The following ZFP64 variants were observed in gnomAD, a reference collection of about 807,000 sequenced individuals.
ZFP64 encodes the protein zinc finger protein 64.
Under a neutral mutation model 51.6 loss-of-function variants are expected in ZFP64, and 14 were observed. The observed-to-expected ratio is 0.27, with a 90% CI of 0.18 to 0.42. The LOEUF (loss-of-function observed/expected upper bound fraction) is 0.42. ZFP64 is among the 10% of genes least tolerant of loss of function. The probability of loss-of-function intolerance (pLI) is 1.00; values close to 1 mark genes in which losing one functional copy is unlikely to be tolerated. For synonymous variants in ZFP64, 375 were observed against 361.4 expected (o/e 1.04, Z -0.43); for missense variants, 754 against 906.8 (o/e 0.83, Z 2.16).
At chr20:52,156,642 C>T (rs1600768554) in intron 5 of ZFP64, among the ~76,000 whole-genome samples, 1 of 152,200 alleles carries the variant, frequency 6.6e-6, no homozygotes, top group East Asian at 1.9e-4. Flanking sequence ...TACGCTGCAT[C>T]ACTGTGACAA....
Position 52,151,589 on chromosome 20 carries a change from C to G in ZFP64, c.*557G>C. On this transcript the variant is annotated 3_prime_UTR_variant, in exon 6 of 6. Coordinates refer to ENST00000216923, the MANE Select transcript of ZFP64 (RefSeq NM_018197.3). ...ACTACTTAATGCATTTAATTCCAACCCCTCATTGGAATCATCTTGGTAACA... is the reference window on the plus strand; with the variant it reads ...ACTACTTAATGCATTTAATTCCAACGCCTCATTGGAATCATCTTGGTAACA... 1 of 986,112 alleles carries G rather than the reference C, an allele frequency of 1.0e-6. No homozygotes were observed. The highest frequency in any genetic ancestry group is 1.2e-6 in the Non-Finnish European group (1 of 830,516). 61.1% of individuals were successfully genotyped at this position (986,112 alleles called of 1,614,324 possible).
intron 5 of ZFP64, among the ~76,000 whole-genome samples, chr20:52,125,930 G>A (rs2122866001): frequency 6.6e-6 from 1 of 151,800 alleles, no homozygotes; most frequent in East Asian, 1.9e-4. Context: ...CACCCAGGCT[G>A]GAGTGCAGTA....
downstream of ZFP64, among the ~76,000 whole-genome samples, chr20:52,149,031 A>G (rs1386117378): frequency 6.6e-6 from 1 of 152,194 alleles, no homozygotes; most frequent in Admixed American, 6.5e-5. Context: ...AGTTCATAGA[A>G]GAGAGAAGCA....
At chr20:52,143,129 G>A (rs545711780) in intron 5 of ZFP64, among the ~76,000 whole-genome samples, 1 of 143,266 alleles carries the variant, frequency 7.0e-6, no homozygotes, top group Non-Finnish European at 1.6e-5. Flanking sequence ...CTATAGTATG[G>A]TATAAACATA....
At position 52,142,625 on chromosome 20, in the gene ZFP64, A is replaced by C. The variant is rs533004029; in HGVS notation, c.763+17498T>G. Among the ~76,000 whole-genome samples, 5 of 151,736 alleles carry C rather than the reference A, an allele frequency of 3.3e-5. No individual in the cohort carries two copies. In the South Asian group the frequency reaches 8.4e-4, roughly 25 times the overall value. On this transcript the variant is annotated intron_variant, in intron 5 of 8. Transcript: ENST00000361387. ...GGGAGGCTGAGGCGGGCTGATCACA[A>C]GGTTAGGAGTTTGAGACCAGCCTGA...
rs560856709 is a variant in ZFP64, at chr20:52,085,051, G to C, written c.1444C>G (p.Leu482Val). The change falls in exon 9 of 9, where the codon CTC becomes GTC. Residue 482 changes from leucine to valine, a missense_variant. Coordinates refer to the ZFP64 transcript ENST00000361387. This position sits in a 1 kb window ranked among gnomAD's most constrained non-coding sequence, Gnocchi z 4.3. Reference sequence around the variant, plus strand: ...TGGTGCAGCCGGCTGTGCTCCAGGAGGTCAGCCCGGTCCCGGCCCTGGAAG... The same window carrying C: ...TGGTGCAGCCGGCTGTGCTCCAGGACGTCAGCCCGGTCCCGGCCCTGGAAG... 1 of 1,614,204 alleles carries C rather than the reference G, an allele frequency of 6.2e-7. No individual in the cohort carries two copies. Among genetic ancestry groups the C allele is most frequent in the East Asian group, 2.2e-5 (1 of 44,888 alleles).
intron 2 of ZFP64, among the ~76,000 whole-genome samples, chr20:52,180,074 T>C (rs78092647): frequency 1.3e-5 from 2 of 152,102 alleles, no homozygotes; most frequent in African/African-American, 2.4e-5. Flanking sequence ...ACGGTCAGAG[T>C]GGCCTTGTCT....
At chr20:52,086,419 AG>A (rs914495084) in intron 8 of ZFP64, among the ~76,000 whole-genome samples, 45 of 152,156 alleles carry the variant, frequency 3.0e-4, no homozygotes, top group African/African-American at 1.1e-3. Flanking sequence ...GTTTCTTGAA[AG>A]AAGGAATCTC....
chr20:52,106,806 T>C (rs950669544), intron 5 of ZFP64, among the ~76,000 whole-genome samples: 1 of 152,188 alleles, frequency 6.6e-6, no homozygotes, highest in African/African-American at 2.4e-5. Flanking sequence ...TTTGAAAATA[T>C]ATACACGTGG....
chr20:52,102,107 C>CAA (rs34646115), intron 5 of ZFP64, among the ~76,000 whole-genome samples: 1,087 of 63,374 alleles, frequency 0.017, 54 homozygotes, highest in African/African-American at 0.03. Context: ...ACTCCATCTC[C>CAA]AAAAAAAAAA....
intron 3 of ZFP64, chr20:52,165,245 A>G (rs1025174889): frequency 2.2e-6 from 1 of 456,432 alleles, no homozygotes; most frequent in Non-Finnish European, 4.4e-6. Flanking sequence ...TAGTTCCTAT[A>G]AATGTTAATT....
intron 5 of ZFP64, among the ~76,000 whole-genome samples, chr20:52,154,849 G>A (rs1204237537): frequency 6.6e-6 from 1 of 152,142 alleles, no homozygotes; most frequent in Non-Finnish European, 1.5e-5. Flanking sequence ...TGGTAGGGGT[G>A]AGTATTTGTG....
At position 52,152,885 on chromosome 20, in the gene ZFP64, C is replaced by T. The variant is rs377034273; in HGVS notation, c.1307G>A (p.Arg436Gln). 6.2e-7 allele frequency: 1 copy of T among 1,614,096 alleles called. No homozygotes were observed. The highest frequency in any genetic ancestry group is 1.3e-5 in the African/African-American group (1 of 75,064). Residue 436 changes from arginine (R) to glutamine (Q), a missense_variant, in exon 6 of 6, where the codon CGG becomes CAG. By Grantham distance (43) the Arg-to-Gln change is conservative (BLOSUM62 1). Around this residue, in one of 3 missense-constraint regions of ZFP64, gnomAD observed 428 missense variants for 472.4 expected, o/e 0.91. Transcript: ENST00000216923. ...HCDICDASFM[R>Q]EDSLRSHKRQ... ...CTTGTGGCTGCGGAGCGAGTCCTCC[C>T]GCATGAAGGAGGCATCGCATATATC... is the stretch of plus-strand genomic sequence containing the variant.
At chr20:52,131,132 G>T (rs1979703190) in intron 5 of ZFP64, among the ~76,000 whole-genome samples, 1 of 144,460 alleles carries the variant, frequency 6.9e-6, no homozygotes, top group South Asian at 2.2e-4. Flanking sequence ...GAGGAAGACA[G>T]GAAGAAAGGA....
intron 4 of ZFP64, among the ~76,000 whole-genome samples, chr20:52,161,449 TC>T (rs375340329): frequency 2.9e-4 from 40 of 138,336 alleles, no homozygotes; most frequent in South Asian, 9.5e-4. Context: ...GTGATTGCTT[TC>T]TTTTTTTTTT....
At chr20:52,105,080 C>A in intron 5 of ZFP64, 1 of 1,403,170 alleles carries the variant, frequency 7.1e-7, no homozygotes. Flanking sequence ...TCCGGAGAAC[C>A]TCTGAGCACC....
At position 52,152,054 on chromosome 20, in the gene ZFP64, A is replaced by C. The variant is rs2122950900; in HGVS notation, c.*92T>G. 1 of 1,488,428 alleles carries C rather than the reference A, an allele frequency of 6.7e-7. No homozygotes were observed. The highest frequency in any genetic ancestry group is 1.4e-5 in the South Asian group (1 of 71,194). The allele number at this position is 1,488,428 out of a possible 1,614,324, so 92.2% of individuals were successfully genotyped here. A position where few individuals can be genotyped will look rare whatever the true frequency, so the allele number is the denominator to read the frequency against. On this transcript the variant is annotated 3_prime_UTR_variant, in exon 6 of 6. Transcript: ENST00000216923. ...TCCGTCTCAAAAACAAAACAAAACA[A>C]AGAAAACATTAAGAGCAAACCTTTT...
intron 5 of ZFP64, among the ~76,000 whole-genome samples, chr20:52,135,139 C>T (rs1223355646): frequency 1.3e-5 from 2 of 152,188 alleles, no homozygotes; most frequent in African/African-American, 4.8e-5. Context: ...GCTGGGATTA[C>T]AGGTGTGAGC....
Position 52,152,570 on chromosome 20 carries a change from T to G in ZFP64, c.1622A>C (p.Gln541Pro). Reference sequence around the variant, plus strand: ...GATCAGACTGACCTGGCGCAGGATCTGCAGCCGGCTGTTCCCTGGGAGTTC... The same window carrying G: ...GATCAGACTGACCTGGCGCAGGATCGGCAGCCGGCTGTTCCCTGGGAGTTC... ...PEELPGNSRL[Q>P]ILRQVSLIAP... Residue 541 changes from glutamine to proline, a missense_variant, in exon 6 of 6, where the codon CAG (glutamine) becomes CCG (proline). Gln to Pro is a moderately conservative substitution (Grantham distance 76). Coordinates refer to ENST00000216923, the MANE Select transcript of ZFP64 (RefSeq NM_018197.3). 1 of 1,562,020 alleles carries G rather than the reference T, an allele frequency of 6.4e-7. No individual in the cohort carries two copies. The highest frequency in any genetic ancestry group is 8.6e-7 in the Non-Finnish European group (1 of 1,156,526).
Sources: gnomAD v4.1 joint callset for allele counts (sites outside exome capture counted in the v4.1 genomes callset) on GRCh38, gnomAD v4.1.1 for gene constraint, gnomAD v4.1.1 regional missense constraint, Gnocchi (gnomAD v3.1) non-coding constraint, MANE v1.5 for transcripts, NCBI Gene and HGNC (gene_info 2026-07-23, HGNC 2026-07-21) for gene names.